METTL15: variants seen among roughly 807,000 people sequenced by gnomAD.
METTL15 encodes 12S rRNA N(4)-cytidine methyltransferase METTL15.
In METTL15, 34 loss-of-function variants were observed where a neutral mutation model predicts 38.3. That is an observed-to-expected ratio of 0.89 (90% CI 0.68 to 1.18). The LOEUF (loss-of-function observed/expected upper bound fraction) is 1.18, where lower values mean the gene tolerates loss of function less well. METTL15 is among the 50% of genes most tolerant of loss of function. METTL15 has a pLI of 0.00. For missense variants in METTL15, 438 were observed against 498.4 expected (o/e 0.88, Z 1.15); for synonymous variants, 162 against 170.9 (o/e 0.95, Z 0.41).
intron 6 of METTL15, among the ~76,000 whole-genome samples, chr11:28,322,605 T>G (rs949254633): frequency 6.6e-6 from 1 of 152,116 alleles, no homozygotes; most frequent in Non-Finnish European, 1.5e-5. Flanking sequence ...TTTAGAAATA[T>G]TGATCCAAAT....
chr11:28,353,955 G>T (rs1199474702), intron 4 of METTL15, among the ~76,000 whole-genome samples: 2 of 149,166 alleles, frequency 1.3e-5, no homozygotes, highest in Admixed American at 6.7e-5. Context: ...AAAAAAAAAG[G>T]TGTCAAGCAA....
chr11:28,194,122 ATCTT>A (rs57046097), intron 3 of METTL15, among the ~76,000 whole-genome samples: 1,048 of 99,144 alleles, frequency 0.011, 6 homozygotes, highest in African/African-American at 0.015. Context: ...TTGATGGTTG[ATCTT>A]TCTTTCTTTC....
rs141638064 is a variant in METTL15, at chr11:28,246,058, G to A, written c.407+34860G>A. On this transcript the variant is annotated intron_variant, in intron 4 of 6. Coordinates refer to ENST00000407364, the MANE Select transcript of METTL15 (RefSeq NM_001113528.2). Reference sequence around the variant, plus strand: ...AAAATATTATTTCTGGCGAGGCGGCGATGAAAAGAGGTTGATTAATGGATA... The same window carrying A: ...AAAATATTATTTCTGGCGAGGCGGCAATGAAAAGAGGTTGATTAATGGATA... 3.6e-3 allele frequency among the ~76,000 whole-genome samples: 554 copies of A among 152,178 alleles called. 2 individuals carry two copies. Among genetic ancestry groups the A allele is most frequent in the East Asian group, 0.036 (186 of 5,174 alleles).
intron 6 of METTL15, chr11:28,327,526 T>C (rs964117930): frequency 1.3e-4 from 20 of 152,666 alleles, no homozygotes; most frequent in African/African-American, 3.6e-4. Context: ...TGAAATTCTA[T>C]AATATAAAAT....
intron 3 of METTL15, among the ~76,000 whole-genome samples, chr11:28,139,095 G>A (rs1489260370): frequency 6.6e-6 from 1 of 152,124 alleles, no homozygotes; most frequent in Non-Finnish European, 1.5e-5. Context: ...CAGCATGTCA[G>A]ACTTCTGGGT....
chr11:28,259,155 C>G (rs189720229), intron 4 of METTL15, among the ~76,000 whole-genome samples: 15 of 152,174 alleles, frequency 9.9e-5, no homozygotes. Flanking sequence ...TGGCTTACAC[C>G]GTGTCTAGAA....
At chr11:28,278,029 C>T (rs899769264) in intron 4 of METTL15, among the ~76,000 whole-genome samples, 1 of 152,158 alleles carries the variant, frequency 6.6e-6, no homozygotes, top group African/African-American at 2.4e-5. Context: ...TGGTGCTGGA[C>T]ACCCTAAATG....
At chr11:28,453,378 G>A (rs1851139520) in intron 6 of METTL15, among the ~76,000 whole-genome samples, 1 of 152,160 alleles carries the variant, frequency 6.6e-6, no homozygotes, top group African/African-American at 2.4e-5. Flanking sequence ...GAGAGCAACA[G>A]CAAATGGAAA....
chr11:28,130,438 A>G (rs1277530554), intron 3 of METTL15, among the ~76,000 whole-genome samples: 3 of 152,224 alleles, frequency 2.0e-5, no homozygotes, highest in Non-Finnish European at 2.9e-5. Context: ...TAACCATAAT[A>G]GTCATACTAT....
intron 6 of METTL15, among the ~76,000 whole-genome samples, chr11:28,485,962 C>T (rs1368073730): frequency 6.6e-6 from 1 of 152,122 alleles, no homozygotes. Flanking sequence ...CTAAACCTAC[C>T]AATTAGGACC....
intron 3 of METTL15, chr11:28,197,423 T>C (rs776805844): frequency 1.2e-5 from 4 of 335,086 alleles, no homozygotes; most frequent in Non-Finnish European, 2.5e-5. Context: ...TTTATTTATA[T>C]GACACTACTT....
intron 5 of METTL15, among the ~76,000 whole-genome samples, chr11:28,373,426 G>A (rs904284281): frequency 2.0e-5 from 3 of 152,040 alleles, no homozygotes; most frequent in Admixed American, 6.5e-5. Context: ...CTTCTTTTGA[G>A]AAGTGTCTGT....
intron 5 of METTL15, among the ~76,000 whole-genome samples, chr11:28,396,612 T>C (rs1016718761): frequency 1.3e-5 from 2 of 151,976 alleles, no homozygotes; most frequent in African/African-American, 4.8e-5. Flanking sequence ...AATGGAAGAA[T>C]ATTCCATGCT....
chr11:28,492,273 C>T (rs966590298), intron 6 of METTL15, among the ~76,000 whole-genome samples: 32 of 152,074 alleles, frequency 2.1e-4, no homozygotes, highest in African/African-American at 7.5e-4. Flanking sequence ...GTGGTGTCTT[C>T]CTGCCCCATG....
At chr11:28,316,187 G>A (rs1857474630) in intron 6 of METTL15, among the ~76,000 whole-genome samples, 1 of 152,218 alleles carries the variant, frequency 6.6e-6, no homozygotes, top group Non-Finnish European at 1.5e-5. Flanking sequence ...GCAGCCAGGA[G>A]CAGGGCTATA....
chr11:28,527,483 G>C (rs1851820106), downstream of METTL15, among the ~76,000 whole-genome samples: 1 of 152,186 alleles, frequency 6.6e-6, no homozygotes, highest in South Asian at 2.1e-4. Context: ...GCCAGGCACA[G>C]TATTAGATGC....
chr11:28,173,331 C>G (rs928840749), intron 3 of METTL15, among the ~76,000 whole-genome samples: 2 of 152,032 alleles, frequency 1.3e-5, no homozygotes, highest in Non-Finnish European at 2.9e-5. Context: ...CTAAGAATTC[C>G]TAGAGAGCTT....
intron 5 of METTL15, among the ~76,000 whole-genome samples, chr11:28,415,286 ATAGT>A (rs959114543): frequency 3.3e-5 from 5 of 152,216 alleles, no homozygotes; most frequent in African/African-American, 1.2e-4. Flanking sequence ...TAATGGAGTC[ATAGT>A]TAGGACAGTA....
chr11:28,115,156 A>G (rs999037831), intron 3 of METTL15, among the ~76,000 whole-genome samples: 8 of 152,222 alleles, frequency 5.3e-5, no homozygotes, highest in African/African-American at 1.9e-4. Flanking sequence ...TTGAAAATCC[A>G]TGTATAACTT....
Sources: allele counts gnomAD v4.1 joint callset (sites outside exome capture counted in the v4.1 genomes callset), GRCh38; gene constraint gnomAD v4.1.1; transcripts MANE v1.5; gene names NCBI Gene and HGNC (gene_info 2026-07-23, HGNC 2026-07-21).